The following ETV1 variants were observed in gnomAD, a reference collection of about 807,000 sequenced individuals.
ETV1 encodes ETS translocation variant 1.
ETV1 carries 27 observed loss-of-function variants against 62.3 expected under a neutral mutation model. The ratio of observed to expected loss-of-function variants is 0.43; its 90% CI spans 0.32 to 0.60. The LOEUF (loss-of-function observed/expected upper bound fraction) is 0.60. Ranked by LOEUF, ETV1 falls within the 20% of genes least tolerant of loss-of-function variation. ETV1 has a pLI of 0.06. For synonymous variants in ETV1, 222 were observed against 199.6 expected (o/e 1.11, Z -0.94); for missense variants, 605 against 605.8 (o/e 1.00, Z 0.01).
chr7:13,941,882 TAAATAAATAAATAAATAAATAAATA>T (rs1454587294), intron 6 of ETV1, among the ~76,000 whole-genome samples: 1 of 74,226 alleles, frequency 1.3e-5, no homozygotes, highest in African/African-American at 3.6e-5. Context: ...AATAAATAAA[TAAATAAATAAATAAATAAATAAATA>T]AAGTAAGAAA....
chr7:13,986,779 A>T, intron 4 of ETV1, 94 bp from the exon 5 acceptor site: 1 of 963,356 alleles, frequency 1.0e-6, no homozygotes, highest in Non-Finnish European at 1.6e-6. Flanking sequence ...ATTAAATATA[A>T]ATTTAATTTC....
chr7:13,913,307 A>C (rs1395854764), intron 9 of ETV1, among the ~76,000 whole-genome samples: 1 of 152,232 alleles, frequency 6.6e-6, no homozygotes, highest in Non-Finnish European at 1.5e-5. Flanking sequence ...TTATAGTTTA[A>C]GGATCATTAG....
At chr7:13,913,703 G>A (rs1783805663) in intron 9 of ETV1, among the ~76,000 whole-genome samples, 1 of 151,914 alleles carries the variant, frequency 6.6e-6, no homozygotes, top group Non-Finnish European at 1.5e-5. Context: ...TTACTCTGCT[G>A]TTCTTAAATT....
At chr7:13,949,166 A>T (rs1172299509) in intron 6 of ETV1, among the ~76,000 whole-genome samples, 6 of 131,012 alleles carry the variant, frequency 4.6e-5, no homozygotes, top group South Asian at 2.5e-4. Flanking sequence ...GCAGTGATTT[A>T]AAAAAAAAAA....
intron 9 of ETV1, among the ~76,000 whole-genome samples, chr7:13,920,437 A>AGT (rs1209408348): frequency 6.3e-5 from 8 of 126,456 alleles, no homozygotes; most frequent in East Asian, 2.8e-4. Flanking sequence ...AGAGAGAGTG[A>AGT]GTGAGTGTGT....
At chr7:13,985,371 A>G (rs1782445784) in intron 5 of ETV1, 1 of 152,180 alleles carries the variant, frequency 6.6e-6, no homozygotes, top group African/African-American at 2.4e-5. Context: ...TAACATATAA[A>G]TACAATCATC....
intron 5 of ETV1, 78 bp from the exon 6 acceptor site, chr7:13,977,558 CAAGT>C: frequency 5.3e-6 from 5 of 942,946 alleles, no homozygotes; most frequent in Non-Finnish European, 8.2e-6. Context: ...TAAAATCTGT[CAAGT>C]AAGATCTTCT....
intron 9 of ETV1, 103 bp downstream of exon 9, chr7:13,931,399 A>T: frequency 8.0e-7 from 1 of 1,252,248 alleles, no homozygotes; most frequent in South Asian, 1.4e-5. Context: ...AGATCTTATT[A>T]AAAAATGGTC....
chr7:13,989,425 G>A lies in ETV1; in HGVS notation c.-245C>T, dbSNP rs1782857359. 2 of 429,482 alleles carry A rather than the reference G, an allele frequency of 4.7e-6. No individual in the cohort carries two copies. The highest frequency in any genetic ancestry group is 7.8e-5 in the South Asian group (1 of 12,748). 26.6% of individuals were successfully genotyped at this position (429,482 alleles called of 1,614,324 possible). On this transcript the variant is annotated 5_prime_UTR_variant, in exon 2 of 14. Coordinates refer to ENST00000430479, the MANE Select transcript of ETV1 (RefSeq NM_004956.5). The stretch of plus-strand genomic sequence containing the variant: ...TGATTCGCAAACGTGTGCAAAACTA[G>A]CAATGGCGATCAACGAGACTTGCTT...
rs1182762110 is a variant in ETV1 at position 13,988,889 on chromosome 7, C to G, written c.45+119G>C. ...AAGCAGAGTCGCCCTACAGTGGCAA[C>G]AAAGCAGATAAGTATCTGCAATCCC... On this transcript the variant is annotated intron_variant, in intron 3 of 13. Transcript: ENST00000430479. The G allele has an allele frequency of 2.1e-5, 33 of 1,548,886 alleles. No homozygotes were observed. In the South Asian group the frequency reaches 2.7e-4, roughly 12 times the overall value.
chr7:13,913,752 T>TTTTGGAATATCTA (rs1401412036), intron 9 of ETV1, among the ~76,000 whole-genome samples: 3 of 152,168 alleles, frequency 2.0e-5, no homozygotes, highest in Non-Finnish European at 2.9e-5. Flanking sequence ...AGTGTATCTA[T>TTTTGGAATATCTA]TTTGGAATAT....
rs1408514795 is a variant in ETV1 at position 13,894,463 on chromosome 7, C to T, written c.*1403G>A. Reference sequence around the variant, plus strand: ...AGATGATGGATAATATCAGTGCCAGCACTATGTCATACAGCAACTTCCTCA... The same window carrying T: ...AGATGATGGATAATATCAGTGCCAGTACTATGTCATACAGCAACTTCCTCA... On this transcript the variant is annotated 3_prime_UTR_variant, in exon 14 of 14. Coordinates refer to ENST00000430479, the MANE Select transcript of ETV1 (RefSeq NM_004956.5). The T allele has an allele frequency of 4.3e-6, 1 of 232,356 alleles. No individual in the cohort carries two copies. Among genetic ancestry groups the T allele is most frequent in the African/African-American group, 2.2e-5 (1 of 45,254 alleles). 14.4% of individuals were successfully genotyped at this position (232,356 alleles called of 1,614,324 possible).
chr7:13,940,926 C>T (rs1266978056), intron 6 of ETV1, among the ~76,000 whole-genome samples: 1 of 152,116 alleles, frequency 6.6e-6, no homozygotes, highest in Non-Finnish European at 1.5e-5. Context: ...GCCAAATACG[C>T]ACATTTTACT....
Position 13,891,377 on chromosome 7 carries a change from T to A in ETV1, c.*4489A>T, listed in dbSNP as rs1781375970. The A allele has an allele frequency of 4.3e-6, 1 of 231,520 alleles. No homozygotes were observed. Among genetic ancestry groups the A allele is most frequent in the Non-Finnish European group, 8.5e-6 (1 of 117,042 alleles). The allele number at this position is 231,520 out of a possible 1,614,324, so 14.3% of individuals were successfully genotyped here. The stretch of plus-strand genomic sequence containing the variant: ...AAAAATTTTCTTCCCCATAGAAGCA[T>A]AAATATAATTTTAGAATGAAAGTAA... On this transcript the variant is annotated 3_prime_UTR_variant, in exon 14 of 14. Transcript: ENST00000430479.
intron 6 of ETV1, among the ~76,000 whole-genome samples, chr7:13,948,898 C>A (rs725964): frequency 0.27 from 41,302 of 151,966 alleles, 6,826 homozygotes; most frequent in East Asian, 0.39. Context: ...TCTCTCAAAA[C>A]CAAAAATGTG....
Position 13,988,242 on chromosome 7 carries a change from GCACACA to G in ETV1, c.46-75_46-70del, listed in dbSNP as rs59844225. ...AGATCACACACACGCACACGCGCGCGCACACACACACACACAGACATGCATACATAA... is the reference window on the plus strand; with the variant it reads ...AGATCACACACACGCACACGCGCGCGCACACACACAGACATGCATACATAA... On this transcript the variant is annotated intron_variant, in intron 3 of 13. Transcript: ENST00000430479. 3 of 724,070 alleles carry G rather than the reference GCACACA, an allele frequency of 4.1e-6. No individual in the cohort carries two copies. In the East Asian group the frequency reaches 8.3e-5, roughly 20 times the overall value. 44.9% of individuals were successfully genotyped at this position (724,070 alleles called of 1,614,324 possible).
At chr7:13,905,467 G>A (rs1475929966) in intron 12 of ETV1, among the ~76,000 whole-genome samples, 1 of 152,158 alleles carries the variant, frequency 6.6e-6, no homozygotes, top group East Asian at 1.9e-4. Flanking sequence ...AGCAGAGAAA[G>A]TATCTTTAGT....
intron 11 of ETV1, 146 bp from the exon 12 acceptor site, chr7:13,906,745 G>A: frequency 1.7e-6 from 1 of 579,166 alleles, no homozygotes; most frequent in Non-Finnish European, 2.9e-6. Context: ...CATTAAAGAG[G>A]AATTTAAAAT....
rs777490572 is a variant in ETV1, at chr7:13,895,302, G to A, written c.*564C>T. ...ATAAAGCAAAATAAAACAACAAACA[G>A]CAAATGCAATCGCTAAATACCTTTT... On this transcript the variant is annotated 3_prime_UTR_variant, in exon 14 of 14. Coordinates refer to ENST00000430479, the MANE Select transcript of ETV1 (RefSeq NM_004956.5). 2.0e-4 allele frequency: 46 copies of A among 233,732 alleles called. No homozygotes were observed. The highest frequency in any genetic ancestry group is 3.7e-4 in the Non-Finnish European group (44 of 118,244). 14.5% of individuals were successfully genotyped at this position (233,732 alleles called of 1,614,324 possible). A position where few individuals can be genotyped will look rare whatever the true frequency, so the allele number is the denominator to read the frequency against.
Sources: allele counts gnomAD v4.1 joint callset (sites outside exome capture counted in the v4.1 genomes callset), GRCh38; gene constraint gnomAD v4.1.1; transcripts MANE v1.5; gene names NCBI Gene and HGNC (gene_info 2026-07-23, HGNC 2026-07-21).